NPTN: variants seen among roughly 807,000 people sequenced by gnomAD.
NPTN encodes neuroplastin, also known as SDR-1.
A neutral mutation model predicts 42.7 loss-of-function variants in NPTN; 5 were observed. The ratio of observed to expected loss-of-function variants is 0.12; its 90% confidence interval spans 0.06 to 0.25. NPTN has a LOEUF of 0.25. Among genes scored for constraint, NPTN ranks in the 10% least tolerant of loss-of-function variants. The probability of loss-of-function intolerance (pLI) is 1.00; values close to 1 mark genes in which losing one functional copy is unlikely to be tolerated. For synonymous variants in NPTN, 180 were observed against 201.9 expected, an observed-to-expected ratio of 0.89 and a Z score of 0.92; for missense variants, 307 against 525.4, an observed-to-expected ratio of 0.58 and a Z score of 4.06.
chr15:73,597,201 A>G lies in NPTN; in HGVS notation c.260T>C (p.Val87Ala), dbSNP rs1327564990. 18 of 1,614,196 alleles carry G rather than the reference A, an allele frequency of 1.1e-5. No homozygotes were observed. Among genetic ancestry groups the G allele is most frequent in the Non-Finnish European group, 1.4e-5 (17 of 1,180,030 alleles). The part of the protein sequence containing the change: ...QLWDGARKRR[V>A]TVNTAYGSNG... ...TGACCCGTAGGCGGTGTTTACGGTGACACGGCGCTTCCGAGCACCGTCCCA... is the reference window on the plus strand; with the variant it reads ...TGACCCGTAGGCGGTGTTTACGGTGGCACGGCGCTTCCGAGCACCGTCCCA... The change falls in exon 2 of 9, where the codon GTC (valine) becomes GCC (alanine). Residue 87 changes from valine to alanine, a missense_variant. Physicochemically the swap from Val to Ala is moderately conservative, Grantham distance 64 (BLOSUM62 0). This residue lies in a region of NPTN where 264 missense variants were observed against 491.1 expected (regional missense o/e 0.54). Coordinates refer to ENST00000345330, the MANE Select transcript of NPTN (RefSeq NM_012428.4). This position sits in a 1 kb window ranked among gnomAD's most constrained non-coding sequence, Gnocchi z 6.3.
chr15:73,630,767 G>T (rs1319092916), intron 1 of NPTN, among the ~76,000 whole-genome samples: 6 of 152,056 alleles, frequency 3.9e-5, no homozygotes, highest in Admixed American at 3.3e-4. Context: ...ATCCCTTTTT[G>T]AAAGCACTGT....
intron 6 of NPTN, chr15:73,568,429 G>T: frequency 1.0e-6 from 1 of 985,390 alleles, no homozygotes; most frequent in Non-Finnish European, 1.2e-6. Context: ...AAAGCATTCT[G>T]GGGGGATAAA....
At chr15:73,628,152 C>A (rs1898527760) in intron 1 of NPTN, among the ~76,000 whole-genome samples, 1 of 152,106 alleles carries the variant, frequency 6.6e-6, no homozygotes, top group African/African-American at 2.4e-5. Context: ...GAAAGCTAAG[C>A]CAATTTTTCA....
chr15:73,614,614 C>T (rs557335690), intron 1 of NPTN, among the ~76,000 whole-genome samples: 1 of 152,110 alleles, frequency 6.6e-6, no homozygotes, highest in Non-Finnish European at 1.5e-5. Flanking sequence ...ATTTTGTTTC[C>T]CCACAGTGCC....
chr15:73,632,922 C>A, intron 1 of NPTN: 1 of 422,042 alleles, frequency 2.4e-6, no homozygotes. Context: ...CGGACGCCCC[C>A]GCCGCTCGGA....
chr15:73,597,163 C>A lies in NPTN; in HGVS notation c.298G>T (p.Val100Leu), dbSNP rs1407322458. ...AAGGTGAGCCGGGTTATTCTCAGCA[C>A]ACTCACGCCGTTTGACCCGTAGGCG... ...NTAYGSNGVS[V>L]LRITRLTLED... Residue 100 changes from valine (V) to leucine (L), a missense_variant, in exon 2 of 9, where the codon GTG becomes TTG. Around this residue, in one of 2 missense-constraint regions of NPTN, gnomAD observed 264 missense variants for 491.1 expected, o/e 0.54. Coordinates refer to ENST00000345330, the MANE Select transcript of NPTN (RefSeq NM_012428.4). The surrounding 1 kb of genome is among the most constrained non-coding windows in gnomAD (Gnocchi z 6.3). 2 of 1,614,044 alleles carry A rather than the reference C, an allele frequency of 1.2e-6. No homozygotes were observed. The highest frequency in any genetic ancestry group is 1.3e-5 in the African/African-American group (1 of 74,920).
At chr15:73,580,505 ATAT>A (rs1895970963) in intron 4 of NPTN, among the ~76,000 whole-genome samples, 1 of 131,006 alleles carries the variant, frequency 7.6e-6, no homozygotes, top group African/African-American at 3.2e-5. Flanking sequence ...ATAAATATAT[ATAT>A]TATATATAAT....
In NPTN at chr15:73,569,203, G is replaced by A. The variant is rs866904320; in HGVS notation, c.1114+947C>T. The stretch of plus-strand genomic sequence containing the variant: ...GTCGGCCAATTAATTTCTGTACGCC[G>A]GTCATGTTATAGGGTGGGGATGGGG... On this transcript the variant is annotated intron_variant, in intron 6 of 8. Coordinates refer to ENST00000345330, the MANE Select transcript of NPTN (RefSeq NM_012428.4). This position sits in a 1 kb window ranked among gnomAD's most constrained non-coding sequence, Gnocchi z 4.1. The A allele has an allele frequency of 1.4e-5, 14 of 985,402 alleles. No homozygotes were observed. Among genetic ancestry groups the A allele is most frequent in the Non-Finnish European group, 1.6e-5 (13 of 830,038 alleles). The allele number at this position is 985,402 out of a possible 1,614,324, so 61.0% of individuals were successfully genotyped here.
rs1256582363 is a variant in NPTN, at chr15:73,570,277, A to G, written c.987T>C (p.Thr329=). ...TNAIGSASVV[T]VLRVRSHLAP... ...CCAGGTGGCTCCGCACCCTGAGGACAGTGACAACAGAGGCGGAGCCAATGG... is the reference window on the plus strand; with the variant it reads ...CCAGGTGGCTCCGCACCCTGAGGACGGTGACAACAGAGGCGGAGCCAATGG... The change falls in exon 6 of 9, where the codon ACT becomes ACC. Residue 329 remains threonine, a synonymous_variant. Coordinates refer to ENST00000345330, the MANE Select transcript of NPTN (RefSeq NM_012428.4). The surrounding 1 kb of genome is among the most constrained non-coding windows in gnomAD (Gnocchi z 4.0). 1.9e-6 allele frequency: 3 copies of G among 1,614,134 alleles called. No homozygotes were observed. Among genetic ancestry groups the G allele is most frequent in the African/African-American group, 1.3e-5 (1 of 74,952 alleles).
At chr15:73,611,142 A>G (rs1845401207) in intron 1 of NPTN, among the ~76,000 whole-genome samples, 1 of 152,250 alleles carries the variant, frequency 6.6e-6, no homozygotes. Flanking sequence ...GACACAGTTT[A>G]TGAAGATCCT....
At position 73,560,703 on chromosome 15, in the gene NPTN, A is replaced by G. The variant is rs1245597182; in HGVS notation, c.*360T>C. 6.6e-6 allele frequency: 1 copy of G among 151,660 alleles called. No homozygotes were observed. Among genetic ancestry groups the G allele is most frequent in the Non-Finnish European group, 1.5e-5 (1 of 67,930 alleles). The allele number at this position is 151,660 out of a possible 1,614,324, so 9.4% of individuals were successfully genotyped here. A position where few individuals can be genotyped will look rare whatever the true frequency, so the allele number is the denominator to read the frequency against. On this transcript the variant is annotated 3_prime_UTR_variant, in exon 9 of 9. Transcript: ENST00000345330. ...TTACAAAAGTGTATCACTAGATGGCAGCAGTGCATTTTAGAGCTTTGCCAA... is the reference window on the plus strand; with the variant it reads ...TTACAAAAGTGTATCACTAGATGGCGGCAGTGCATTTTAGAGCTTTGCCAA...
intron 1 of NPTN, among the ~76,000 whole-genome samples, chr15:73,624,271 A>G (rs1162006563): frequency 6.6e-6 from 1 of 152,230 alleles, no homozygotes; most frequent in African/African-American, 2.4e-5. Flanking sequence ...ATTCAATGAC[A>G]GTTCACTGCA....
chr15:73,564,114 A>T (rs1051596476), intron 6 of NPTN, among the ~76,000 whole-genome samples: 2 of 152,216 alleles, frequency 1.3e-5, no homozygotes, highest in African/African-American at 4.8e-5. Flanking sequence ...AACTAAGTGC[A>T]ACTTGATCCC....
At position 73,587,757 on chromosome 15, in the gene NPTN, A is replaced by C. The variant is rs981895522; in HGVS notation, c.612-139T>G. 11 of 633,732 alleles carry C rather than the reference A, an allele frequency of 1.7e-5. No individual in the cohort carries two copies. The East Asian group carries it at 3.0e-4, about 17-fold the overall frequency. 39.3% of individuals were successfully genotyped at this position (633,732 alleles called of 1,614,324 possible). ...CTCACCTCCTTCTAACTAAAAGCAA[A>C]AATTCCTCTCTGTGCATCCTAAAAC... On this transcript the variant is annotated intron_variant, in intron 3 of 8. Coordinates refer to ENST00000345330, the MANE Select transcript of NPTN (RefSeq NM_012428.4).
chr15:73,568,898 G>A, intron 6 of NPTN: 1 of 985,506 alleles, frequency 1.0e-6, no homozygotes, highest in Non-Finnish European at 1.2e-6. Context: ...GATGGGGAAG[G>A]GGCTGTTGCT....
intron 6 of NPTN, chr15:73,568,646 C>A (rs1895181374): frequency 1.0e-6 from 1 of 985,434 alleles, no homozygotes; most frequent in Non-Finnish European, 1.2e-6. Flanking sequence ...AGGTTCACTT[C>A]ATAAAGTAGG....
At chr15:73,612,630 C>T (rs1299374753) in intron 1 of NPTN, among the ~76,000 whole-genome samples, 6 of 152,110 alleles carry the variant, frequency 3.9e-5, no homozygotes, top group East Asian at 3.9e-4. Flanking sequence ...ATTAGCCGGG[C>T]GTGGTGGCCA....
intron 1 of NPTN, among the ~76,000 whole-genome samples, chr15:73,608,832 GAAC>G (rs1897414048): frequency 3.9e-5 from 6 of 152,196 alleles, no homozygotes; most frequent in Admixed American, 3.9e-4. Context: ...AGAATCAAAT[GAAC>G]TTATTGACGT....
intron 1 of NPTN, among the ~76,000 whole-genome samples, chr15:73,610,143 G>A (rs905051096): frequency 6.6e-6 from 1 of 151,728 alleles, no homozygotes; most frequent in South Asian, 2.1e-4. Context: ...CTGGAGTGCA[G>A]TGGCATGATC....
Sources: allele counts gnomAD v4.1 joint callset (sites outside exome capture counted in the v4.1 genomes callset), GRCh38; gene constraint gnomAD v4.1.1; regional missense constraint gnomAD v4.1.1; non-coding constraint Gnocchi (gnomAD v3.1); transcripts MANE v1.5; gene names NCBI Gene and HGNC (gene_info 2026-07-23, HGNC 2026-07-21).